RHOU: variants seen among roughly 807,000 people sequenced by gnomAD.
RHOU encodes the protein rho-related GTP-binding protein RhoU.
A neutral mutation model predicts 12.6 loss-of-function variants in RHOU; 8 were observed. That is an observed-to-expected ratio of 0.64 (90% CI 0.37 to 1.15). The LOEUF (loss-of-function observed/expected upper bound fraction) is 1.15. RHOU is among the 50% of genes most tolerant of loss of function. RHOU has a pLI of 0.01. For missense variants in RHOU, 258 were observed against 347.0 expected, an observed-to-expected ratio of 0.74 and a Z score of 2.04; for synonymous variants, 161 against 147.4, an observed-to-expected ratio of 1.09 and a Z score of -0.67.
chr1:228,723,332 C>G, the RHOU span, among the ~76,000 whole-genome samples: 1 of 152,336 alleles, frequency 6.6e-6, no homozygotes, highest in South Asian at 2.1e-4. Flanking sequence ...GGGTGGAAAC[C>G]AGCCAGGTAT....
At chr1:228,721,514 G>T in the RHOU span, among the ~76,000 whole-genome samples, 2 of 152,194 alleles carry the variant, frequency 1.3e-5, no homozygotes, top group African/African-American at 4.8e-5. Context: ...TGGAACACAC[G>T]TGCGCCTTAT....
the RHOU span, among the ~76,000 whole-genome samples, chr1:228,656,104 T>C: frequency 6.6e-6 from 1 of 152,240 alleles, no homozygotes; most frequent in Non-Finnish European, 1.5e-5. Flanking sequence ...TGTCTTCTTT[T>C]ACCTCCCTGA....
At chr1:228,667,613 C>G in the RHOU span, among the ~76,000 whole-genome samples, 4 of 152,132 alleles carry the variant, frequency 2.6e-5, no homozygotes, top group African/African-American at 9.7e-5. Context: ...ATTTATCCCT[C>G]CATGTTGGAC....
Position 228,743,151 on chromosome 1 carries a change from A to G in RHOU, c.322-134A>G. 1.2e-6 allele frequency: 1 copy of G among 835,572 alleles called. No individual in the cohort carries two copies. Among genetic ancestry groups the G allele is most frequent in the South Asian group, 1.7e-5 (1 of 60,604 alleles). 51.8% of individuals were successfully genotyped at this position (835,572 alleles called of 1,614,324 possible). ...GGTAAACAGTAGGATCGTTTCAAGG[A>G]TGCTGGCTCTTCCTTCTAGAACCAG... On this transcript the variant is annotated intron_variant, in intron 2 of 2. Transcript: ENST00000366691. The surrounding 1 kb of genome is among the most constrained non-coding windows in gnomAD (Gnocchi z 5.1).
the RHOU span, among the ~76,000 whole-genome samples, chr1:228,707,252 T>C: frequency 1.3e-4 from 10 of 77,116 alleles, no homozygotes; most frequent in Admixed American, 6.6e-4. Context: ...TATATATATA[T>C]ATAGTGTGTG....
chr1:228,703,887 C>T, the RHOU span, among the ~76,000 whole-genome samples: 4 of 152,248 alleles, frequency 2.6e-5, no homozygotes, highest in African/African-American at 9.6e-5. Context: ...ATGTCAGGCA[C>T]CCTGCCTCCC....
In RHOU at chr1:228,743,771, C is replaced by T. The variant is rs1327983744; in HGVS notation, c.*31C>T. 1 of 1,569,500 alleles carries T rather than the reference C, an allele frequency of 6.4e-7. No homozygotes were observed. The highest frequency in any genetic ancestry group is 2.2e-5 in the East Asian group (1 of 44,528). On this transcript the variant is annotated 3_prime_UTR_variant, in exon 3 of 3. Coordinates refer to ENST00000366691, the MANE Select transcript of RHOU (RefSeq NM_021205.6). The surrounding 1 kb of genome is among the most constrained non-coding windows in gnomAD (Gnocchi z 5.1). Reference sequence around the variant, plus strand: ...GCAAGACACCCAGAAAGGCTATTTTCAGATGAAATCGATATTAGAAGCTAT... The same window carrying T: ...GCAAGACACCCAGAAAGGCTATTTTTAGATGAAATCGATATTAGAAGCTAT...
chr1:228,681,679 A>G, the RHOU span, among the ~76,000 whole-genome samples: 2 of 152,090 alleles, frequency 1.3e-5, no homozygotes, highest in East Asian at 3.9e-4. Context: ...TCGAGTTTGT[A>G]TTGGGGCCAA....
the RHOU span, among the ~76,000 whole-genome samples, chr1:228,648,903 T>C: frequency 2.0e-5 from 3 of 152,020 alleles, no homozygotes; most frequent in Admixed American, 2.0e-4. Context: ...TCTCGCTCTG[T>C]TGGCCAGGCT....
intron 2 of RHOU, among the ~76,000 whole-genome samples, chr1:228,742,296 G>A (rs1366365188): frequency 6.6e-6 from 1 of 152,206 alleles, no homozygotes; most frequent in Admixed American, 6.5e-5. Context: ...ACATCTGTCT[G>A]TTCACAGCCA....
the RHOU span, among the ~76,000 whole-genome samples, chr1:228,725,038 T>C: frequency 2.0e-5 from 3 of 152,242 alleles, no homozygotes; most frequent in Non-Finnish European, 2.9e-5. Flanking sequence ...ATTTATTTTA[T>C]TTTATTTTTC....
the RHOU span, among the ~76,000 whole-genome samples, chr1:228,693,366 G>A: frequency 6.6e-6 from 1 of 152,170 alleles, no homozygotes; most frequent in African/African-American, 2.4e-5. Context: ...CAGATAGGAT[G>A]CAAACTATTT....
At chr1:228,688,289 TA>T in the RHOU span, among the ~76,000 whole-genome samples, 1 of 152,178 alleles carries the variant, frequency 6.6e-6, no homozygotes, top group Non-Finnish European at 1.5e-5. Flanking sequence ...AGCTGCTGTC[TA>T]AAGGACATGA....
At chr1:228,726,194 G>A in the RHOU span, among the ~76,000 whole-genome samples, 13 of 152,120 alleles carry the variant, frequency 8.5e-5, no homozygotes, top group East Asian at 3.9e-4. Flanking sequence ...CGGTCCGTAC[G>A]TACTCATGTG....
the RHOU span, among the ~76,000 whole-genome samples, chr1:228,679,980 G>T: frequency 1.3e-5 from 2 of 152,086 alleles, no homozygotes; most frequent in Non-Finnish European, 2.9e-5. Flanking sequence ...AAAAAGGAGT[G>T]CATAAAAGAA....
the RHOU span, among the ~76,000 whole-genome samples, chr1:228,678,165 C>T: frequency 6.6e-6 from 1 of 152,060 alleles, no homozygotes; most frequent in Non-Finnish European, 1.5e-5. Flanking sequence ...GAAGTGATTT[C>T]CTTAAGGATA....
the RHOU span, among the ~76,000 whole-genome samples, chr1:228,664,958 G>A: frequency 1.3e-5 from 2 of 152,034 alleles, no homozygotes; most frequent in African/African-American, 4.8e-5. Flanking sequence ...GGCTTGCCAA[G>A]CTTTATTAAC....
At chr1:228,650,666 T>G in the RHOU span, 1 of 483,526 alleles carries the variant, frequency 2.1e-6, no homozygotes, top group Non-Finnish European at 4.0e-6. Flanking sequence ...CTCGTTTCAC[T>G]CGTTTCAAAG....
At chr1:228,695,459 T>C in the RHOU span, among the ~76,000 whole-genome samples, 1 of 152,098 alleles carries the variant, frequency 6.6e-6, no homozygotes, top group African/African-American at 2.4e-5. Flanking sequence ...ATCAAATCCC[T>C]CAACCTCAGA....
Sources: allele counts gnomAD v4.1 joint callset (sites outside exome capture counted in the v4.1 genomes callset), GRCh38; gene constraint gnomAD v4.1.1; non-coding constraint Gnocchi (gnomAD v3.1); transcripts MANE v1.5; gene names NCBI Gene and HGNC (gene_info 2026-07-23, HGNC 2026-07-21).